Variants in GAB1 observed in about 807,000 individuals in gnomAD.
The protein encoded by GAB1 is GRB2 associated binding protein 1, also known as GRB2-associated-binding protein 1.
Under a neutral mutation model 66.5 loss-of-function variants are expected in GAB1, and 19 were observed. The ratio of observed to expected loss-of-function variants is 0.29; its 90% CI spans 0.20 to 0.42. The LOEUF is 0.42. Ranked by LOEUF, GAB1 falls within the 10% of genes least tolerant of loss-of-function variation. The pLI, the probability that GAB1 is intolerant of heterozygous loss-of-function variation, is 1.00. For missense variants in GAB1, 732 were observed against 858.5 expected (o/e 0.85, Z 1.84); for synonymous variants, 294 against 301.4 (o/e 0.98, Z 0.25).
At chr4:143,386,595 C>T (rs1465241739) in intron 1 of GAB1, among the ~76,000 whole-genome samples, 3 of 152,106 alleles carry the variant, frequency 2.0e-5, no homozygotes. Flanking sequence ...GCTACATTGC[C>T]CAGGCTAGTT....
intron 2 of GAB1, among the ~76,000 whole-genome samples, chr4:143,416,259 T>A (rs2661787): frequency 0.038 from 5,772 of 151,746 alleles, 351 homozygotes; most frequent in African/African-American, 0.13. Context: ...CAAAAAAAAA[T>A]TAGCCGGGCT....
intron 2 of GAB1, chr4:143,425,219 G>A (rs963796805): frequency 1.5e-5 from 14 of 906,838 alleles, no homozygotes; most frequent in Admixed American, 5.1e-5. Flanking sequence ...CCTGGGAGAA[G>A]CTTCTGCTGG....
chr4:143,466,146 T>C lies in GAB1; in HGVS notation c.1847T>C (p.Met616Thr). ...AGTCTTGATGGAGGAAGCAGCCCTA[T>C]GATCAAGCCCAAAGGAGACAAACAG... is the stretch of plus-strand genomic sequence containing the variant. ...SNSLDGGSSP[M>T]IKPKGDKQVE... is the part of the protein sequence containing the mutation. The change falls in exon 9 of 10, where the codon ATG becomes ACG. Residue 616 changes from methionine to threonine, a missense_variant. Coordinates refer to ENST00000262994, the MANE Select transcript of GAB1 (RefSeq NM_002039.4). The C allele has an allele frequency of 6.2e-7, 1 of 1,613,840 alleles. No individual in the cohort carries two copies. The highest frequency in any genetic ancestry group is 2.2e-5 in the East Asian group (1 of 44,832).
At chr4:143,464,293 G>A (rs1000646618) in intron 8 of GAB1, among the ~76,000 whole-genome samples, 2 of 152,040 alleles carry the variant, frequency 1.3e-5, no homozygotes, top group African/African-American at 4.8e-5. Context: ...GCAGTGGTGC[G>A]ATCTTGGCTC....
intron 1 of GAB1, among the ~76,000 whole-genome samples, chr4:143,351,856 G>A (rs1729240108): frequency 6.6e-6 from 1 of 152,202 alleles, no homozygotes; most frequent in African/African-American, 2.4e-5. Context: ...TGCTGAAGTT[G>A]AGAAATCCTC....
chr4:143,366,213 C>T (rs779233565), intron 1 of GAB1, among the ~76,000 whole-genome samples: 1 of 152,136 alleles, frequency 6.6e-6, no homozygotes, highest in Non-Finnish European at 1.5e-5. Flanking sequence ...TATTCATTTG[C>T]GTATTTCCTT....
intron 1 of GAB1, among the ~76,000 whole-genome samples, chr4:143,392,194 G>A (rs976039334): frequency 2.0e-5 from 3 of 152,142 alleles, no homozygotes; most frequent in Non-Finnish European, 4.4e-5. Context: ...ATGGTCCCAA[G>A]TTAATAGGGA....
intron 1 of GAB1, among the ~76,000 whole-genome samples, chr4:143,400,670 G>GA (rs1201395974): frequency 1.3e-5 from 2 of 152,060 alleles, no homozygotes; most frequent in Admixed American, 6.6e-5. Flanking sequence ...ATCTTTAAAT[G>GA]AAAATGTTAT....
intron 1 of GAB1, among the ~76,000 whole-genome samples, chr4:143,411,568 G>C (rs1355812088): frequency 1.3e-5 from 2 of 152,188 alleles, no homozygotes; most frequent in Non-Finnish European, 2.9e-5. Flanking sequence ...GATTGGCAAG[G>C]CAGTGTACGG....
intron 1 of GAB1, among the ~76,000 whole-genome samples, chr4:143,413,848 T>TTTTTTTTTG (rs1732530197): frequency 1.5e-5 from 2 of 130,742 alleles, no homozygotes; most frequent in African/African-American, 6.2e-5. Flanking sequence ...TTTTTTTTTT[T>TTTTTTTTTG]GAGGAGGAGT....
At chr4:143,340,635 C>G (rs1225482402) in intron 1 of GAB1, among the ~76,000 whole-genome samples, 1 of 152,124 alleles carries the variant, frequency 6.6e-6, no homozygotes, top group Non-Finnish European at 1.5e-5. Flanking sequence ...CTCAGCCTCC[C>G]CAGTAGCTGG....
At chr4:143,423,673 A>T (rs1364013508) in intron 2 of GAB1, among the ~76,000 whole-genome samples, 1 of 150,434 alleles carries the variant, frequency 6.6e-6, no homozygotes, top group Non-Finnish European at 1.5e-5. Context: ...GCTACTCGGG[A>T]GGCTGAGGCA....
intron 2 of GAB1, among the ~76,000 whole-genome samples, chr4:143,420,426 A>G (rs918120701): frequency 2.6e-5 from 4 of 152,116 alleles, no homozygotes; most frequent in Non-Finnish European, 5.9e-5. Flanking sequence ...TATCGTTACC[A>G]TGTTATTTCC....
intron 1 of GAB1, chr4:143,349,228 A>G: frequency 1.6e-6 from 1 of 606,682 alleles, no homozygotes; most frequent in South Asian, 2.8e-5. Flanking sequence ...TTTTATTTTG[A>G]TTTTTTTTTC....
chr4:143,401,105 TTCTC>T (rs1437046316), intron 1 of GAB1, among the ~76,000 whole-genome samples: 1 of 152,236 alleles, frequency 6.6e-6, no homozygotes, highest in Non-Finnish European at 1.5e-5. Flanking sequence ...TTTCTCAACT[TTCTC>T]TCTAGTTTGG....
Position 143,440,204 on chromosome 4 carries a change from A to T in GAB1, c.1407A>T (p.Glu469Asp). ...GCAGTTTTACAGAACCAATTCAGGA[A>T]GCAAATTATGTGCCAATGACTCCAG... Reference protein sequence around the residue: ...HSSSFTEPIQEANYVPMTPGT... With the variant: ...HSSSFTEPIQDANYVPMTPGT... Residue 469 changes from glutamate (E) to aspartate (D), a missense_variant, in exon 6 of 10, where the codon GAA (glutamate) becomes GAT (aspartate). Glu to Asp is a conservative substitution (Grantham distance 45). Coordinates refer to ENST00000262994, the MANE Select transcript of GAB1 (RefSeq NM_002039.4). The T allele has an allele frequency of 6.2e-7, 1 of 1,614,206 alleles. No homozygotes were observed. The highest frequency in any genetic ancestry group is 8.5e-7 in the Non-Finnish European group (1 of 1,180,026).
rs1467716503 is a variant in GAB1, at chr4:143,402,803, A to T, written c.73-12674A>T. Among the ~76,000 whole-genome samples the T allele has an allele frequency of 2.0e-5, 3 of 152,352 alleles. No homozygotes were observed. The East Asian group carries it at 5.8e-4, about 29-fold the overall frequency. On this transcript the variant is annotated intron_variant, in intron 1 of 9. Transcript: ENST00000262994. The stretch of plus-strand genomic sequence containing the variant: ...GTGGGATGTCCAGATGACATCTCTG[A>T]AAACCCAAAGCCAATCCCTGTGCTC...
At chr4:143,451,470 A>C (rs1198470424) in intron 6 of GAB1, among the ~76,000 whole-genome samples, 4 of 152,106 alleles carry the variant, frequency 2.6e-5, no homozygotes, top group African/African-American at 9.7e-5. Context: ...AATTTTATGC[A>C]GGCACATAAA....
intron 6 of GAB1, chr4:143,457,619 G>C (rs1025256760): frequency 1.5e-5 from 4 of 259,664 alleles, no homozygotes; most frequent in Non-Finnish European, 2.0e-5. Flanking sequence ...TTTTTTTACA[G>C]AATCCATTTT....
Sources: gnomAD v4.1 joint callset for allele counts (sites outside exome capture counted in the v4.1 genomes callset) on GRCh38, gnomAD v4.1.1 for gene constraint, MANE v1.5 for transcripts, NCBI Gene and HGNC (gene_info 2026-07-23, HGNC 2026-07-21) for gene names.